The following PLD5 variants were observed in gnomAD, a reference collection of about 807,000 sequenced individuals.
PLD5 encodes the protein phospholipase D family member 5, also known as inactive phospholipase D5.
Under a neutral mutation model 61.1 loss-of-function variants are expected in PLD5, and 36 were observed. The observed-to-expected ratio is 0.59, with a 90% CI of 0.45 to 0.78. PLD5 has a LOEUF of 0.78. Among genes scored for constraint, PLD5 ranks in the 30% least tolerant of loss-of-function variants. PLD5 has a pLI of 0.00. For missense variants in PLD5, 515 were observed against 644.4 expected (o/e 0.80, Z 2.17); for synonymous variants, 243 against 242.8 (o/e 1.00, Z -0.01).
Position 242,465,835 on chromosome 1 carries a change from C to T in PLD5, c.189+58253G>A, listed in dbSNP as rs188292895. 1.6e-4 allele frequency among the ~76,000 whole-genome samples: 25 copies of T among 152,332 alleles called. No individual in the cohort carries two copies. In the East Asian group the frequency reaches 4.8e-3, roughly 29 times the overall value. On this transcript the variant is annotated intron_variant, in intron 1 of 9. Coordinates refer to ENST00000536534, the MANE Select transcript of PLD5 (RefSeq NM_001372062.1). ...ATCCCAGCTACTCGGGAGGCTGAGG[C>T]AGAGAATTGCTTGAACCTGGGAGGC...
intron 3 of PLD5, among the ~76,000 whole-genome samples, chr1:242,282,669 GAT>G (rs1674779213): frequency 6.6e-6 from 1 of 152,020 alleles, no homozygotes; most frequent in African/African-American, 2.4e-5. Context: ...TAGAGTGTGA[GAT>G]TTTTTTTTTT....
At chr1:242,412,056 G>C (rs1048109198) in intron 1 of PLD5, among the ~76,000 whole-genome samples, 13 of 152,192 alleles carry the variant, frequency 8.5e-5, no homozygotes, top group Admixed American at 7.2e-4. Flanking sequence ...TGAAGAAAAA[G>C]GGAAGAGAGG....
intron 1 of PLD5, among the ~76,000 whole-genome samples, chr1:242,408,818 C>T (rs1396299535): frequency 6.6e-6 from 1 of 152,166 alleles, no homozygotes; most frequent in East Asian, 1.9e-4. Flanking sequence ...CCTGTAATCC[C>T]AGCACTTTAG....
intron 2 of PLD5, among the ~76,000 whole-genome samples, chr1:242,325,342 T>A (rs1020827685): frequency 2.0e-4 from 29 of 144,162 alleles, no homozygotes; most frequent in Non-Finnish European, 4.0e-4. Context: ...GTAAGGGTGT[T>A]AAGCCTGCAT....
intron 3 of PLD5, among the ~76,000 whole-genome samples, chr1:242,284,526 G>A (rs1674911603): frequency 6.6e-6 from 1 of 152,164 alleles, no homozygotes; most frequent in African/African-American, 2.4e-5. Flanking sequence ...CCGCTCTAGG[G>A]GTTGAGAGAG....
chr1:242,268,054 T>C (rs1322875752), intron 3 of PLD5, among the ~76,000 whole-genome samples: 1 of 152,122 alleles, frequency 6.6e-6, no homozygotes, highest in Non-Finnish European at 1.5e-5. Context: ...GCTTGGATGG[T>C]GAGAGGCTCA....
chr1:242,211,017 C>T (rs1483660114), intron 5 of PLD5, among the ~76,000 whole-genome samples: 3 of 152,104 alleles, frequency 2.0e-5, no homozygotes, highest in Non-Finnish European at 4.4e-5. Context: ...GGTACGAAAC[C>T]GTTCTGTAAC....
At chr1:242,396,510 A>C (rs1372692974) in intron 1 of PLD5, among the ~76,000 whole-genome samples, 1 of 152,046 alleles carries the variant, frequency 6.6e-6, no homozygotes, top group Non-Finnish European at 1.5e-5. Flanking sequence ...TACTCCATGG[A>C]AGGAGTGTCA....
intron 5 of PLD5, among the ~76,000 whole-genome samples, chr1:242,195,297 A>G (rs1013554530): frequency 6.6e-6 from 1 of 152,194 alleles, no homozygotes; most frequent in African/African-American, 2.4e-5. Flanking sequence ...ACCACCTCTG[A>G]GAAGTCTATG....
intron 9 of PLD5, among the ~76,000 whole-genome samples, chr1:242,097,640 A>G (rs1364186836): frequency 6.6e-6 from 1 of 152,038 alleles, no homozygotes; most frequent in Non-Finnish European, 1.5e-5. Flanking sequence ...TAGATTCTGG[A>G]TATTAGCCCT....
chr1:242,367,604 G>T (rs906965558), intron 1 of PLD5, among the ~76,000 whole-genome samples: 3 of 152,158 alleles, frequency 2.0e-5, no homozygotes, highest in African/African-American at 7.2e-5. Flanking sequence ...GAAACCTGGA[G>T]ACGAACCCCT....
intron 3 of PLD5, among the ~76,000 whole-genome samples, chr1:242,286,871 A>G (rs1299669193): frequency 3.9e-5 from 6 of 152,204 alleles, no homozygotes; most frequent in Non-Finnish European, 7.3e-5. Flanking sequence ...TTGATGTAGT[A>G]GAATTCCCAC....
chr1:242,516,997 T>G (rs148171778), intron 1 of PLD5, among the ~76,000 whole-genome samples: 76 of 152,350 alleles, frequency 5.0e-4, no homozygotes, highest in South Asian at 8.3e-4. Flanking sequence ...TGTTTTTAAG[T>G]GTTAGACTGG....
chr1:242,383,122 T>C (rs751490045), intron 1 of PLD5, among the ~76,000 whole-genome samples: 9 of 152,234 alleles, frequency 5.9e-5, no homozygotes, highest in Admixed American at 2.0e-4. Context: ...TCAGCGATTC[T>C]ATCTCAGTTC....
At chr1:242,116,835 T>G (rs1356227867) in intron 6 of PLD5, among the ~76,000 whole-genome samples, 2 of 152,184 alleles carry the variant, frequency 1.3e-5, no homozygotes, top group East Asian at 3.9e-4. Context: ...TTTTTTTCTT[T>G]TGGAATGAGG....
chr1:242,512,182 AG>A, intron 1 of PLD5, among the ~76,000 whole-genome samples: 1 of 151,172 alleles, frequency 6.6e-6, no homozygotes, highest in South Asian at 2.1e-4. Flanking sequence ...GAGGCCAAGG[AG>A]GGCAGATCAC....
At chr1:242,363,849 A>G (rs1248703074) in intron 1 of PLD5, among the ~76,000 whole-genome samples, 4 of 152,252 alleles carry the variant, frequency 2.6e-5, no homozygotes, top group African/African-American at 9.6e-5. Context: ...AATGGGATTA[A>G]CAGCAGATTA....
intron 1 of PLD5, among the ~76,000 whole-genome samples, chr1:242,375,621 G>T (rs1017803479): frequency 6.6e-6 from 1 of 151,966 alleles, no homozygotes; most frequent in African/African-American, 2.4e-5. Flanking sequence ...AAAAAAATAA[G>T]TACAAAACAT....
At chr1:242,398,680 C>CTCTAAGA (rs11280903) in intron 1 of PLD5, among the ~76,000 whole-genome samples, 64,599 of 151,808 alleles carry the variant, frequency 0.43, 14,185 homozygotes, top group African/African-American at 0.54. Flanking sequence ...AGTCACTTAA[C>CTCTAAGA]TCTATTGATC....
Sources: allele counts gnomAD v4.1 joint callset (sites outside exome capture counted in the v4.1 genomes callset), GRCh38; gene constraint gnomAD v4.1.1; transcripts MANE v1.5; gene names NCBI Gene and HGNC (gene_info 2026-07-23, HGNC 2026-07-21).